FAM107A: variants seen among roughly 807,000 people sequenced by gnomAD.
The protein encoded by FAM107A is family with sequence similarity 107 member A.
FAM107A carries 19 observed loss-of-function variants against 13.7 expected under a neutral mutation model. The observed-to-expected ratio is 1.38, with a 90% confidence interval of 0.97 to 2.03. The LOEUF is 2.03. Ranked by LOEUF, FAM107A falls within the 30% of genes most tolerant of loss-of-function variation. The probability of loss-of-function intolerance (pLI) is 0.00; values close to 1 mark genes in which losing one functional copy is unlikely to be tolerated. For missense variants in FAM107A, 203 were observed against 184.4 expected, an observed-to-expected ratio of 1.10 and a Z score of -0.58; for synonymous variants, 82 against 74.5, an observed-to-expected ratio of 1.10 and a Z score of -0.52.
intron 1 of FAM107A, among the ~76,000 whole-genome samples, chr3:58,570,821 C>G (rs1166894611): frequency 6.6e-6 from 1 of 152,176 alleles, no homozygotes; most frequent in Non-Finnish European, 1.5e-5. Context: ...GTCTGGTATG[C>G]AGTAGGCGAT....
intron 1 of FAM107A, among the ~76,000 whole-genome samples, chr3:58,592,302 T>G (rs2065660417): frequency 6.6e-6 from 1 of 152,086 alleles, no homozygotes; most frequent in African/African-American, 2.4e-5. Context: ...AGGGCAACAT[T>G]AGCATCACAA....
chr3:58,614,544 G>T (rs934127898), intron 1 of FAM107A, among the ~76,000 whole-genome samples: 1 of 141,006 alleles, frequency 7.1e-6, no homozygotes, highest in African/African-American at 2.7e-5. Flanking sequence ...TGCTCTTCTC[G>T]CTCAGGCTAG....
At chr3:58,574,084 A>C (rs1314511055) in intron 1 of FAM107A, 1 of 152,240 alleles carries the variant, frequency 6.6e-6, no homozygotes, top group East Asian at 1.9e-4. Flanking sequence ...CCTCACAGCA[A>C]GTCCTCAACT....
intron 1 of FAM107A, among the ~76,000 whole-genome samples, chr3:58,597,257 A>G (rs2065715227): frequency 6.6e-6 from 1 of 152,212 alleles, no homozygotes; most frequent in African/African-American, 2.4e-5. Context: ...ATGTTTAGCT[A>G]TAGTGGATAC....
chr3:58,616,961 A>T lies in FAM107A; in HGVS notation c.-70+10455T>A, dbSNP rs570122386. ...GCTAACTTTTTGTATTTTTGTAGAGACGGGGTTTCACTGTGTTAGCCAGGA... is the reference window on the plus strand; with the variant it reads ...GCTAACTTTTTGTATTTTTGTAGAGTCGGGGTTTCACTGTGTTAGCCAGGA... On this transcript the variant is annotated intron_variant, in intron 1 of 3. Transcript: ENST00000465970. 5.9e-5 allele frequency among the ~76,000 whole-genome samples: 9 copies of T among 152,204 alleles called. No individual in the cohort carries two copies. In the East Asian group the frequency reaches 1.7e-3, roughly 29 times the overall value.
At chr3:58,566,985 A>C in intron 3 of FAM107A, 1 of 619,532 alleles carries the variant, frequency 1.6e-6, no homozygotes. Context: ...ATCAGCATGC[A>C]GTACACTGGG....
chr3:58,577,664 G>T, upstream of FAM107A: 5 of 985,334 alleles, frequency 5.1e-6, no homozygotes, highest in Non-Finnish European at 6.0e-6. The surrounding 1 kb of genome is among the most constrained non-coding windows in gnomAD (Gnocchi z 4.9). Context: ...TGAGCAAGGC[G>T]GCTCACGTAA....
chr3:58,620,636 C>T (rs1291957157), intron 1 of FAM107A, among the ~76,000 whole-genome samples: 2 of 152,180 alleles, frequency 1.3e-5, no homozygotes, highest in Admixed American at 6.5e-5. Context: ...TGTGGAATGA[C>T]GGAGCAGCAC....
At chr3:58,570,893 C>G (rs967800590) in intron 1 of FAM107A, among the ~76,000 whole-genome samples, 1 of 152,192 alleles carries the variant, frequency 6.6e-6, no homozygotes, top group Non-Finnish European at 1.5e-5. Context: ...TCTTGGGGAA[C>G]CAGTGCCCGG....
At chr3:58,618,944 G>A (rs2065928587) in intron 1 of FAM107A, among the ~76,000 whole-genome samples, 2 of 152,170 alleles carry the variant, frequency 1.3e-5, no homozygotes, top group African/African-American at 2.4e-5. Flanking sequence ...GCAAAAGAAA[G>A]AAGAGAGAAA....
At chr3:58,577,396 G>A (rs1575443273), upstream of FAM107A, 4 of 985,308 alleles carry the variant, frequency 4.1e-6, no homozygotes, top group South Asian at 1.4e-4. The surrounding 1 kb of genome is among the most constrained non-coding windows in gnomAD (Gnocchi z 4.9). Flanking sequence ...AGCAAGGAGG[G>A]CTGCCTCTAG....
chr3:58,611,643 T>C (rs946445303), intron 1 of FAM107A, among the ~76,000 whole-genome samples: 2 of 152,206 alleles, frequency 1.3e-5, no homozygotes, highest in East Asian at 3.9e-4. Flanking sequence ...CCTGGGCAAG[T>C]GGGTGGCTCA....
rs1577019573 is a variant in FAM107A at position 58,569,349 on chromosome 3, T to C, written c.170+342A>G. ...TACTGCCTGGCTATGCACCCGTCCCTGTCTGTGAGGACAGGAACTGGGTCC... is the reference window on the plus strand; with the variant it reads ...TACTGCCTGGCTATGCACCCGTCCCCGTCTGTGAGGACAGGAACTGGGTCC... On this transcript the variant is annotated intron_variant, in intron 2 of 3. Transcript: ENST00000360997. This position sits in a 1 kb window ranked among gnomAD's most constrained non-coding sequence, Gnocchi z 5.7. Among the ~76,000 whole-genome samples the C allele has an allele frequency of 1.3e-5, 2 of 152,338 alleles. No individual in the cohort carries two copies. Among genetic ancestry groups the C allele is most frequent in the Admixed American group, 1.3e-4 (2 of 15,298 alleles).
At chr3:58,592,803 A>G (rs1414063203) in intron 1 of FAM107A, among the ~76,000 whole-genome samples, 1 of 152,152 alleles carries the variant, frequency 6.6e-6, no homozygotes, top group African/African-American at 2.4e-5. Flanking sequence ...TGTCCTCAAG[A>G]TGTTACAGGG....
At chr3:58,602,085 G>C (rs1441460070) in intron 1 of FAM107A, among the ~76,000 whole-genome samples, 1 of 152,122 alleles carries the variant, frequency 6.6e-6, no homozygotes, top group Non-Finnish European at 1.5e-5. Context: ...AACACACCAG[G>C]AAGCTGCTGA....
At chr3:58,582,025 T>C (rs2065552029), upstream of FAM107A, among the ~76,000 whole-genome samples, 1 of 152,054 alleles carries the variant, frequency 6.6e-6, no homozygotes, top group South Asian at 2.1e-4. Flanking sequence ...TGTCTGTTTC[T>C]CTGTGTGTGT....
intron 1 of FAM107A, among the ~76,000 whole-genome samples, chr3:58,612,443 G>T (rs1023424320): frequency 5.3e-5 from 8 of 152,034 alleles, no homozygotes; most frequent in East Asian, 1.9e-4. Context: ...AGCCAGGCCT[G>T]GAGGCACATA....
chr3:58,620,533 T>G (rs1161389990), intron 1 of FAM107A, among the ~76,000 whole-genome samples: 1 of 152,280 alleles, frequency 6.6e-6, no homozygotes, highest in African/African-American at 2.4e-5. Context: ...CTTTGATTCC[T>G]TCTCCCTCCT....
chr3:58,574,086 T>G (rs1322064218), intron 1 of FAM107A: 1 of 152,174 alleles, frequency 6.6e-6, no homozygotes, highest in Non-Finnish European at 1.5e-5. Flanking sequence ...TCACAGCAAG[T>G]CCTCAACTCC....
Sources: gnomAD v4.1 joint callset for allele counts (sites outside exome capture counted in the v4.1 genomes callset) on GRCh38, gnomAD v4.1.1 for gene constraint, Gnocchi (gnomAD v3.1) non-coding constraint, MANE v1.5 for transcripts, NCBI Gene and HGNC (gene_info 2026-07-23, HGNC 2026-07-21) for gene names.